STK4: variants seen among roughly 807,000 people sequenced by gnomAD.
STK4 encodes serine/threonine-protein kinase 4.
Under a neutral mutation model 64.9 loss-of-function variants are expected in STK4, and 30 were observed. The observed-to-expected ratio is 0.46, with a 90% CI of 0.35 to 0.63. The LOEUF (loss-of-function observed/expected upper bound fraction) is 0.63. Ranked by LOEUF, STK4 falls within the 20% of genes least tolerant of loss-of-function variation. The pLI, the probability that STK4 is intolerant of heterozygous loss-of-function variation, is 0.01. For missense variants in STK4, 466 were observed against 598.5 expected, an observed-to-expected ratio of 0.78 and a Z score of 2.31; for synonymous variants, 177 against 199.0, an observed-to-expected ratio of 0.89 and a Z score of 0.93.
chr20:45,026,344 T>C (rs1297313750), intron 10 of STK4, among the ~76,000 whole-genome samples: 1 of 151,610 alleles, frequency 6.6e-6, no homozygotes. Flanking sequence ...TGTGTGTGTG[T>C]GTGTGCATAG....
At chr20:45,072,714 T>C (rs16989661) in intron 10 of STK4, among the ~76,000 whole-genome samples, 3,946 of 152,348 alleles carry the variant, frequency 0.026, 162 homozygotes, top group African/African-American at 0.085. Context: ...GGCATTAGCA[T>C]GAAATAGAGT....
intron 10 of STK4, among the ~76,000 whole-genome samples, chr20:45,066,663 G>C (rs935683738): frequency 1.3e-5 from 2 of 152,206 alleles, no homozygotes; most frequent in Admixed American, 1.3e-4. Flanking sequence ...TTGATAATGA[G>C]AACTGCAAGT....
chr20:45,006,784 T>G (rs2067954281), intron 9 of STK4, among the ~76,000 whole-genome samples: 1 of 152,240 alleles, frequency 6.6e-6, no homozygotes, highest in African/African-American at 2.4e-5. Context: ...GAAGCCATTT[T>G]TAAGCCATCT....
rs1049134011 is a variant in STK4 at position 45,045,838 on chromosome 20, G to A, written c.1305+20708G>A. Among the ~76,000 whole-genome samples the A allele has an allele frequency of 6.6e-5, 10 of 151,500 alleles. No homozygotes were observed. The East Asian group carries it at 1.2e-3, about 18-fold the overall frequency. On this transcript the variant is annotated intron_variant, in intron 10 of 10. Transcript: ENST00000372806. ...GTTTGTTTTTTTGAGAAGGAGTCTC[G>A]CTCTGTCGCCCAGGCTGGAGTGCAG...
chr20:44,979,784 T>G (rs1253390776), intron 3 of STK4, among the ~76,000 whole-genome samples: 1 of 152,036 alleles, frequency 6.6e-6, no homozygotes, highest in African/African-American at 2.4e-5. Context: ...TTTTTTCCCT[T>G]CTATTTTTGT....
intron 2 of STK4, among the ~76,000 whole-genome samples, chr20:44,977,399 A>C (rs1168235767): frequency 6.6e-6 from 1 of 152,126 alleles, no homozygotes; most frequent in Non-Finnish European, 1.5e-5. Context: ...TTTTTCACCA[A>C]GACAGTGTGA....
intron 10 of STK4, among the ~76,000 whole-genome samples, chr20:45,035,177 G>C (rs2068508089): frequency 6.6e-6 from 1 of 151,944 alleles, no homozygotes; most frequent in African/African-American, 2.4e-5. Context: ...ACATACAGCT[G>C]CATAGATAAA....
chr20:45,011,613 G>T (rs2068044275), intron 9 of STK4, among the ~76,000 whole-genome samples: 1 of 149,826 alleles, frequency 6.7e-6, no homozygotes, highest in Non-Finnish European at 1.5e-5. Context: ...ACTGTAATCA[G>T]CTAAAATGGC....
chr20:44,967,068 A>AAAAGCTTTGCGGTGGGGGTGCGGTGG (rs2067162709), intron 1 of STK4: 1 of 869,396 alleles, frequency 1.2e-6, no homozygotes, highest in East Asian at 1.2e-4. Context: ...GGATCTGTGG[A>AAAAGCTTTGCGGTGGGGGTGCGGTGG]GGGGAAAAGC....
At chr20:45,074,787 G>C (rs553566498) in intron 10 of STK4, among the ~76,000 whole-genome samples, 2 of 152,108 alleles carry the variant, frequency 1.3e-5, no homozygotes, top group Admixed American at 6.5e-5. Flanking sequence ...AAATCAAAGC[G>C]GTTAGCACTT....
In STK4 at chr20:45,000,510, A is replaced by G; in HGVS notation, c.950A>G (p.Glu317Gly). The G allele has an allele frequency of 6.2e-7, 1 of 1,614,008 alleles. No individual in the cohort carries two copies. Among genetic ancestry groups the G allele is most frequent in the Non-Finnish European group, 8.5e-7 (1 of 1,179,906 alleles). ...CAGCGGGAAGTGGACCAGGACGATG[A>G]AGAAAACTCAGTGAGTGGCAGCCGT... ...SQQREVDQDD[E>G]ENSEEDEMDS... The change falls in exon 8 of 11, where the codon GAA becomes GGA. Residue 317 changes from glutamate to glycine, a missense_variant. Glu to Gly is a moderately conservative substitution (Grantham distance 98). Around this residue, in one of 2 missense-constraint regions of STK4, gnomAD observed 276 missense variants for 308.9 expected, o/e 0.89. Transcript: ENST00000372806.
chr20:45,011,708 C>CATATAT lies in STK4; in HGVS notation c.1147+10372_1147+10377dup, dbSNP rs749788988. Among the ~76,000 whole-genome samples the CATATAT allele has an allele frequency of 6.9e-4, 60 of 86,878 alleles. 2 individuals are homozygous for CATATAT. Among genetic ancestry groups the CATATAT allele is most frequent in the African/African-American group, 2.8e-3 (56 of 19,802 alleles). 57.0% of individuals were successfully genotyped at this position (86,878 alleles called of 152,430 possible). On this transcript the variant is annotated intron_variant, in intron 9 of 10. Coordinates refer to ENST00000372806, the MANE Select transcript of STK4 (RefSeq NM_006282.5). ...TTTGAAAGTTCTTGTGTAGAACATA[C>CATATAT]ATATATATATATATATATATATTTT...
intron 10 of STK4, among the ~76,000 whole-genome samples, chr20:45,063,398 G>C (rs564702688): frequency 6.6e-6 from 1 of 152,244 alleles, no homozygotes; most frequent in Non-Finnish European, 1.5e-5. Context: ...CTTTTGAAAA[G>C]TGTCTGTTCA....
At chr20:44,975,657 C>G (rs1306187038) in intron 2 of STK4, 1 of 152,368 alleles carries the variant, frequency 6.6e-6, no homozygotes, top group African/African-American at 2.4e-5. Flanking sequence ...TGAACTAAAG[C>G]TGAAATAAAT....
At chr20:45,029,846 A>G (rs1303165772) in intron 10 of STK4, among the ~76,000 whole-genome samples, 2 of 152,212 alleles carry the variant, frequency 1.3e-5, no homozygotes, top group Non-Finnish European at 2.9e-5. Context: ...ATTAGGTACT[A>G]TAGAAATTCA....
chr20:45,032,519 C>G (rs2068462471), intron 10 of STK4, among the ~76,000 whole-genome samples: 1 of 152,126 alleles, frequency 6.6e-6, no homozygotes. Flanking sequence ...TGAGAACATG[C>G]TGTATTTGGT....
intron 9 of STK4, among the ~76,000 whole-genome samples, chr20:45,009,082 T>C (rs1339011932): frequency 6.6e-6 from 1 of 152,238 alleles, no homozygotes; most frequent in African/African-American, 2.4e-5. Context: ...GCCATTCCTT[T>C]TGAGGACTTG....
At chr20:44,979,404 A>C (rs186252496) in intron 3 of STK4, among the ~76,000 whole-genome samples, 63 of 152,312 alleles carry the variant, frequency 4.1e-4, no homozygotes, top group Admixed American at 8.5e-4. Flanking sequence ...AGATTTGTCA[A>C]ATGTTGTAAG....
chr20:45,007,004 G>A (rs368232141), intron 9 of STK4, among the ~76,000 whole-genome samples: 1 of 151,706 alleles, frequency 6.6e-6, no homozygotes, highest in Admixed American at 6.6e-5. Flanking sequence ...TTGGCATCTG[G>A]AAGTTTTCGT....
Sources: gnomAD v4.1 joint callset for allele counts (sites outside exome capture counted in the v4.1 genomes callset) on GRCh38, gnomAD v4.1.1 for gene constraint, gnomAD v4.1.1 regional missense constraint, MANE v1.5 for transcripts, NCBI Gene and HGNC (gene_info 2026-07-23, HGNC 2026-07-21) for gene names.